Variants in PAICS observed in about 807,000 individuals in gnomAD.
PAICS encodes bifunctional phosphoribosylaminoimidazole carboxylase/phosphoribosylaminoimidazole succinocarboxamide synthetase.
In PAICS, 33 loss-of-function variants were observed where a neutral mutation model predicts 53.7. The observed-to-expected ratio is 0.61, with a 90% CI of 0.47 to 0.82. PAICS has a LOEUF of 0.82. PAICS is among the 40% of genes least tolerant of loss of function. The pLI is 0.00. For missense variants in PAICS, 394 were observed against 494.1 expected (o/e 0.80, Z 1.92); for synonymous variants, 141 against 167.2 (o/e 0.84, Z 1.21).
chr4:56,432,521 G>A, upstream of PAICS, among the ~76,000 whole-genome samples: 1 of 122,704 alleles, frequency 8.1e-6, no homozygotes, highest in Non-Finnish European at 1.6e-5. Context: ...GTGAGACCCT[G>A]TCTCAAAAAA....
chr4:56,454,662 A>G (rs1054826004), intron 8 of PAICS, among the ~76,000 whole-genome samples: 5 of 151,848 alleles, frequency 3.3e-5, no homozygotes, highest in Admixed American at 6.6e-5. Context: ...AATTTTCTAT[A>G]TTTTGGATTT....
At chr4:56,435,891 C>A, upstream of PAICS, 1 of 1,483,660 alleles carries the variant, frequency 6.7e-7, no homozygotes, top group Non-Finnish European at 9.0e-7. Context: ...CCTTCATATG[C>A]CCTTCCCTGC....
chr4:56,443,647 G>GA (rs1274712437), intron 2 of PAICS, among the ~76,000 whole-genome samples: 7 of 152,178 alleles, frequency 4.6e-5, no homozygotes, highest in African/African-American at 7.2e-5. Flanking sequence ...TTAAGTAATG[G>GA]AAGATAAAGC....
the PAICS span, chr4:56,428,989 A>G: frequency 1.0e-6 from 1 of 976,836 alleles, no homozygotes; most frequent in East Asian, 1.1e-4. Context: ...GCTTCAAGAG[A>G]AAAGCACATG....
intron 1 of PAICS, among the ~76,000 whole-genome samples, chr4:56,439,803 T>C (rs1718245965): frequency 6.6e-6 from 1 of 152,148 alleles, no homozygotes; most frequent in African/African-American, 2.4e-5. Context: ...TTTTGTTTTT[T>C]TGGTAGAGAT....
At chr4:56,415,801 G>T in the PAICS span, among the ~76,000 whole-genome samples, 3 of 152,088 alleles carry the variant, frequency 2.0e-5, no homozygotes, top group Non-Finnish European at 2.9e-5. Context: ...GTAAGGCTGG[G>T]CACAGTGGCT....
At chr4:56,453,447 G>A (rs564718145) in intron 7 of PAICS, among the ~76,000 whole-genome samples, 156 bp from the exon 8 acceptor site, 1 of 146,162 alleles carries the variant, frequency 6.8e-6, no homozygotes, top group East Asian at 2.2e-4. Flanking sequence ...TTGAATATAT[G>A]TGTAATAATA....
chr4:56,430,091 C>CA, the PAICS span, among the ~76,000 whole-genome samples: 2 of 152,208 alleles, frequency 1.3e-5, no homozygotes, highest in African/African-American at 2.4e-5. Context: ...TGAAACCCCC[C>CA]ATCTCAATAT....
At chr4:56,444,123 C>T (rs1374831902) in intron 2 of PAICS, among the ~76,000 whole-genome samples, 3 of 151,904 alleles carry the variant, frequency 2.0e-5, no homozygotes, top group Non-Finnish European at 4.4e-5. Flanking sequence ...TCTTTACAAC[C>T]TGGGTTGTGT....
upstream of PAICS, chr4:56,436,016 G>A: frequency 6.6e-7 from 1 of 1,525,306 alleles, no homozygotes; most frequent in Non-Finnish European, 8.8e-7. Flanking sequence ...CCGCCAGTGC[G>A]CGCCACTTTT....
At position 56,463,887 on chromosome 4, in the gene PAICS, A is replaced by T. The variant is rs1330894481; in HGVS notation, c.*4349A>T. The T allele has an allele frequency of 6.6e-6, 1 of 152,196 alleles. No individual in the cohort carries two copies. The highest frequency in any genetic ancestry group is 1.5e-5 in the Non-Finnish European group (1 of 68,046). The allele number at this position is 152,196 out of a possible 1,614,324, so 9.4% of individuals were successfully genotyped here. The stretch of plus-strand genomic sequence containing the variant: ...TGTTTCTGGAAGAGACTAGCACTTG[A>T]ATCAGTAGACTTGAGTAAAGAAGAC... On this transcript the variant is annotated 3_prime_UTR_variant, in exon 9 of 9. Coordinates refer to ENST00000512576, the MANE Select transcript of PAICS (RefSeq NM_001079524.2).
intron 6 of PAICS, chr4:56,450,923 T>TG: frequency 2.5e-6 from 1 of 392,274 alleles, no homozygotes; most frequent in East Asian, 4.9e-5. Context: ...GTTCACGCCA[T>TG]TCTCCTAGCT....
At position 56,462,150 on chromosome 4, in the gene PAICS, T is replaced by A. The variant is rs1719540369; in HGVS notation, c.*2612T>A. On this transcript the variant is annotated 3_prime_UTR_variant, in exon 9 of 9. Coordinates refer to ENST00000512576, the MANE Select transcript of PAICS (RefSeq NM_001079524.2). ...TGAAGAATCAAAATGAGGACGGTGA[T>A]GGGGATAAGAGGGGAAGGTTTTTGA... The A allele has an allele frequency of 6.6e-6, 1 of 152,064 alleles. No homozygotes were observed. Among genetic ancestry groups the A allele is most frequent in the South Asian group, 2.1e-4 (1 of 4,828 alleles). 9.4% of individuals were successfully genotyped at this position (152,064 alleles called of 1,614,324 possible).
intron 5 of PAICS, among the ~76,000 whole-genome samples, chr4:56,450,105 A>T (rs1014889667): frequency 3.9e-5 from 6 of 152,176 alleles, no homozygotes; most frequent in African/African-American, 1.4e-4. Flanking sequence ...CTCACTCATA[A>T]GTGGGAGTTG....
the PAICS span, among the ~76,000 whole-genome samples, chr4:56,416,748 A>C: frequency 6.6e-6 from 1 of 152,216 alleles, no homozygotes; most frequent in Non-Finnish European, 1.5e-5. Flanking sequence ...CAAGGAATTA[A>C]GACAAACAGA....
the PAICS span, among the ~76,000 whole-genome samples, chr4:56,424,081 T>G: frequency 1.2e-4 from 19 of 152,364 alleles, no homozygotes; most frequent in African/African-American, 3.4e-4. Flanking sequence ...TGTATTTCAC[T>G]GATGAATTTT....
At chr4:56,435,240 G>C (rs1363992914), upstream of PAICS, 2 of 1,499,570 alleles carry the variant, frequency 1.3e-6, no homozygotes, top group African/African-American at 2.7e-5. Flanking sequence ...GGCTTAGGTC[G>C]GAGAGGTCGG....
At chr4:56,436,050 C>T (rs1717916174), upstream of PAICS, 2 of 1,508,360 alleles carry the variant, frequency 1.3e-6, no homozygotes, top group South Asian at 1.2e-5. Context: ...ACTGCGCCAG[C>T]GCGGGGCGGC....
In PAICS at chr4:56,453,696, G is replaced by A. The variant is rs757883135; in HGVS notation, c.1046G>A (p.Ser349Asn). ...MSGNTAYPVI[S>N]CPPLTPDWGV... ...GGGAACACTGCATATCCAGTTATCA[G>A]CTGTCCTCCCCTCACACCAGACTGG... Residue 349 changes from serine (S) to asparagine (N), a missense_variant, in exon 8 of 9, where the codon AGC becomes AAC. Physicochemically the swap from Ser to Asn is conservative, Grantham distance 46. Around this residue, in one of 3 missense-constraint regions of PAICS, gnomAD observed 95 missense variants for 89.3 expected, o/e 1.06. Transcript: ENST00000512576. 2 of 1,558,830 alleles carry A rather than the reference G, an allele frequency of 1.3e-6. No individual in the cohort carries two copies. Among genetic ancestry groups the A allele is most frequent in the Non-Finnish European group, 1.7e-6 (2 of 1,150,042 alleles).
Sources: gnomAD v4.1 joint callset for allele counts (sites outside exome capture counted in the v4.1 genomes callset) on GRCh38, gnomAD v4.1.1 for gene constraint, gnomAD v4.1.1 regional missense constraint, MANE v1.5 for transcripts, NCBI Gene and HGNC (gene_info 2026-07-23, HGNC 2026-07-21) for gene names.